The following FOXP1 variants were observed in gnomAD, a reference collection of about 807,000 sequenced individuals.
FOXP1 encodes the protein forkhead box protein P1.
Under a neutral mutation model 98.2 loss-of-function variants are expected in FOXP1, and 15 were observed. That is an observed-to-expected ratio of 0.15 (90% CI 0.10 to 0.24). FOXP1 has a LOEUF of 0.24. Among genes scored for constraint, FOXP1 ranks in the 10% least tolerant of loss-of-function variants. The pLI is 1.00. For synonymous variants in FOXP1, 371 were observed against 314.5 expected, an observed-to-expected ratio of 1.18 and a Z score of -1.90; for missense variants, 633 against 848.5, an observed-to-expected ratio of 0.75 and a Z score of 3.15.
At chr3:71,447,684 A>C (rs2086577938) in intron 3 of FOXP1, among the ~76,000 whole-genome samples, 2 of 152,236 alleles carry the variant, frequency 1.3e-5, no homozygotes, top group Admixed American at 6.5e-5. Context: ...CTACCTGTTC[A>C]GACACAGGTT....
At chr3:71,459,582 G>A (rs2087822958) in intron 3 of FOXP1, among the ~76,000 whole-genome samples, 3 of 152,122 alleles carry the variant, frequency 2.0e-5, no homozygotes, top group African/African-American at 2.4e-5. Flanking sequence ...CTCCCTCTTC[G>A]TCTTGTGTCC....
At position 71,583,708 on chromosome 3, in the gene FOXP1, G is replaced by C. The variant is rs887157512; in HGVS notation, c.-584C>G. 4 of 984,832 alleles carry C rather than the reference G, an allele frequency of 4.1e-6. No individual in the cohort carries two copies. The African/African-American group carries it at 7.0e-5, about 17-fold the overall frequency. 61.0% of individuals were successfully genotyped at this position (984,832 alleles called of 1,614,324 possible). A position where few individuals can be genotyped will look rare whatever the true frequency, so the allele number is the denominator to read the frequency against. On this transcript the variant is annotated 5_prime_UTR_variant, in exon 1 of 21. Coordinates refer to ENST00000649528, the MANE Select transcript of FOXP1 (RefSeq NM_001349338.3). ...CGCGCACACACGCACTCCCGGGCGA[G>C]GGCCGGGCCGCCGCGAGTACAGCGT... is the stretch of plus-strand genomic sequence containing the variant.
At chr3:71,034,478 T>G (rs2047318370) in intron 11 of FOXP1, among the ~76,000 whole-genome samples, 1 of 152,012 alleles carries the variant, frequency 6.6e-6, no homozygotes, top group African/African-American at 2.4e-5. Flanking sequence ...AGCTGCACCC[T>G]CTGTACAAAG....
chr3:71,001,255 C>G (rs1048404133), intron 12 of FOXP1, among the ~76,000 whole-genome samples, 196 bp from the exon 13 acceptor site: 2 of 152,116 alleles, frequency 1.3e-5, no homozygotes, highest in African/African-American at 4.8e-5. Flanking sequence ...TGTTATCACC[C>G]AAAGAAAAGC....
At chr3:71,175,516 T>C (rs1029495156) in intron 6 of FOXP1, among the ~76,000 whole-genome samples, 38 of 152,270 alleles carry the variant, frequency 2.5e-4, no homozygotes, top group East Asian at 1.9e-4. Context: ...CATCAGCTTG[T>C]TTTTCAAAGG....
At chr3:70,976,794 C>G (rs1210055701) in intron 17 of FOXP1, 147 bp downstream of exon 17, 1 of 654,412 alleles carries the variant, frequency 1.5e-6, no homozygotes, top group Admixed American at 2.2e-5. Context: ...CACTATTTTC[C>G]CAATCAAATA....
At chr3:71,071,853 G>A (rs2053271239) in intron 7 of FOXP1, among the ~76,000 whole-genome samples, 1 of 152,144 alleles carries the variant, frequency 6.6e-6, no homozygotes, top group African/African-American at 2.4e-5. Context: ...TGGGATTACA[G>A]GCGTGAGCCA....
intron 5 of FOXP1, among the ~76,000 whole-genome samples, chr3:71,225,127 A>G (rs902949420): frequency 2.0e-5 from 3 of 152,242 alleles, no homozygotes; most frequent in Admixed American, 1.3e-4. Flanking sequence ...AAAAATTTCA[A>G]TGATACAAAG....
At chr3:71,080,909 A>T (rs1410017323) in intron 7 of FOXP1, among the ~76,000 whole-genome samples, 1 of 152,080 alleles carries the variant, frequency 6.6e-6, no homozygotes, top group East Asian at 1.9e-4. Flanking sequence ...GACTCAATGA[A>T]CCCATTTCTC....
intron 2 of FOXP1, among the ~76,000 whole-genome samples, chr3:71,563,748 C>T (rs1251413093): frequency 2.0e-5 from 3 of 152,082 alleles, no homozygotes; most frequent in Non-Finnish European, 4.4e-5. Context: ...TTCCTTGCAC[C>T]CAAGGTGGAA....
intron 13 of FOXP1, among the ~76,000 whole-genome samples, chr3:70,991,805 G>C (rs1310834021): frequency 6.6e-6 from 1 of 152,104 alleles, no homozygotes; most frequent in Non-Finnish European, 1.5e-5. Context: ...CTGAGGTCAG[G>C]GAACTGGGAA....
At chr3:70,973,162 A>G (rs2107214375) in intron 17 of FOXP1, among the ~76,000 whole-genome samples, 1 of 152,322 alleles carries the variant, frequency 6.6e-6, no homozygotes. Context: ...CCTATGAAGA[A>G]TTCTAAAGTG....
chr3:71,499,645 G>A (rs1292658180), intron 2 of FOXP1, among the ~76,000 whole-genome samples: 3 of 152,200 alleles, frequency 2.0e-5, no homozygotes, highest in African/African-American at 7.2e-5. Flanking sequence ...TGTCTAATCT[G>A]TTACACAACC....
chr3:70,955,110 A>G lies in FOXP1; in HGVS notation c.*4137T>C. On this transcript the variant is annotated 3_prime_UTR_variant, in exon 21 of 21. Coordinates refer to ENST00000649528, the MANE Select transcript of FOXP1 (RefSeq NM_001349338.3). ...TTTCAGGAGGCTATGTCATTAACCA[A>G]AAGGTACCAAAAAGATTCAAAATCT... is the stretch of plus-strand genomic sequence containing the variant. The G allele has an allele frequency of 8.6e-6, 2 of 232,348 alleles. No individual in the cohort carries two copies. The highest frequency in any genetic ancestry group is 1.2e-4 in the East Asian group (2 of 16,454). The allele number at this position is 232,348 out of a possible 1,614,324, so 14.4% of individuals were successfully genotyped here. A position where few individuals can be genotyped will look rare whatever the true frequency, so the allele number is the denominator to read the frequency against.
At chr3:71,156,386 A>G in intron 6 of FOXP1, among the ~76,000 whole-genome samples, 1 of 152,204 alleles carries the variant, frequency 6.6e-6, no homozygotes, top group South Asian at 2.1e-4. Flanking sequence ...GCCAGCCTCA[A>G]AGGCCTTAAT....
chr3:71,041,451 T>C lies in FOXP1; in HGVS notation c.746A>G (p.His249Arg). 1 of 1,613,948 alleles carries C rather than the reference T, an allele frequency of 6.2e-7. No homozygotes were observed. The highest frequency in any genetic ancestry group is 8.5e-7 in the Non-Finnish European group (1 of 1,179,864). ...TGTCGTGGTCAGATCCAAACTGCTG[T>C]GATTGTTGCCTGTGGTTTCTTCTGC... Reference protein sequence around the residue: ...HTAEETTGNNHSSLDLTTTCV... With the variant: ...HTAEETTGNNRSSLDLTTTCV... The change falls in exon 11 of 21, where the codon CAC becomes CGC. Residue 249 changes from histidine to arginine, a missense_variant. Around this residue, in one of 6 missense-constraint regions of FOXP1, gnomAD observed 210 missense variants for 270.6 expected, o/e 0.78. Coordinates refer to ENST00000649528, the MANE Select transcript of FOXP1 (RefSeq NM_001349338.3).
chr3:71,151,202 G>C (rs972934765), intron 6 of FOXP1, among the ~76,000 whole-genome samples: 6 of 152,192 alleles, frequency 3.9e-5, no homozygotes, highest in Admixed American at 1.3e-4. Flanking sequence ...AGACTTATTT[G>C]AGAGATTAAT....
At chr3:71,088,240 C>T (rs2107580203) in intron 7 of FOXP1, among the ~76,000 whole-genome samples, 1 of 152,328 alleles carries the variant, frequency 6.6e-6, no homozygotes, top group East Asian at 1.9e-4. Flanking sequence ...GTCCCTCACT[C>T]AGTCAAGGTC....
At chr3:71,491,609 C>CTGGATTT (rs1382065814) in intron 3 of FOXP1, among the ~76,000 whole-genome samples, 1 of 152,096 alleles carries the variant, frequency 6.6e-6, no homozygotes, top group Non-Finnish European at 1.5e-5. Flanking sequence ...AGACAGGAGG[C>CTGGATTT]TGGATTTTTT....
Sources: gnomAD v4.1 joint callset for allele counts (sites outside exome capture counted in the v4.1 genomes callset) on GRCh38, gnomAD v4.1.1 for gene constraint, gnomAD v4.1.1 regional missense constraint, MANE v1.5 for transcripts, NCBI Gene and HGNC (gene_info 2026-07-23, HGNC 2026-07-21) for gene names.